Variants in SOX6 observed in about 807,000 individuals in gnomAD.
The protein encoded by SOX6 is transcription factor SOX-6.
SOX6 carries 11 observed loss-of-function variants against 97.8 expected under a neutral mutation model. That is an observed-to-expected ratio of 0.11 (90% CI 0.07 to 0.19). The LOEUF is 0.19. Ranked by LOEUF, SOX6 falls within the 10% of genes least tolerant of loss-of-function variation. The probability of loss-of-function intolerance (pLI) is 1.00; values close to 1 mark genes in which losing one functional copy is unlikely to be tolerated. For synonymous variants in SOX6, 360 were observed against 371.4 expected, an observed-to-expected ratio of 0.97 and a Z score of 0.35; for missense variants, 810 against 1,039.5, an observed-to-expected ratio of 0.78 and a Z score of 3.04.
intron 1 of SOX6, among the ~76,000 whole-genome samples, chr11:16,375,440 T>C (rs538108508): frequency 6.6e-6 from 1 of 151,482 alleles, no homozygotes; most frequent in Non-Finnish European, 1.5e-5. Context: ...AACCCAGTTC[T>C]CCAAACTCCA....
At chr11:16,641,340 G>A (rs11024006) in intron 3 of SOX6, among the ~76,000 whole-genome samples, 151,385 of 152,276 alleles carry the variant, frequency 0.99, 75,259 homozygotes, top group East Asian at 1. Context: ...TATGTGGTCA[G>A]TTTTGGAATA....
intron 3 of SOX6, among the ~76,000 whole-genome samples, chr11:16,271,498 C>T (rs1350331637): frequency 2.6e-5 from 4 of 151,318 alleles, no homozygotes; most frequent in Non-Finnish European, 5.9e-5. Context: ...GGGCCTAGTG[C>T]TTTAAGAGTA....
intron 4 of SOX6, among the ~76,000 whole-genome samples, chr11:16,214,641 C>T (rs1852318800): frequency 6.6e-6 from 1 of 152,164 alleles, no homozygotes; most frequent in Non-Finnish European, 1.5e-5. Context: ...TATTCACATC[C>T]CCATTCATGA....
intron 1 of SOX6, among the ~76,000 whole-genome samples, chr11:16,365,611 G>A (rs1759356150): frequency 6.6e-6 from 1 of 152,104 alleles, no homozygotes; most frequent in Non-Finnish European, 1.5e-5. Flanking sequence ...AAACTGTTGT[G>A]CTTATTTCAA....
At chr11:16,466,721 G>A (rs1431766447) in intron 1 of SOX6, among the ~76,000 whole-genome samples, 1 of 150,810 alleles carries the variant, frequency 6.6e-6, no homozygotes, top group Non-Finnish European at 1.5e-5. Context: ...ACGAGGTCAG[G>A]AGATCGAGAC....
intron 4 of SOX6, among the ~76,000 whole-genome samples, chr11:16,566,201 C>T (rs986077030): frequency 6.6e-6 from 1 of 151,952 alleles, no homozygotes; most frequent in African/African-American, 2.4e-5. Context: ...GTTTGAGAAC[C>T]TCTGATTTAG....
chr11:16,504,274 G>A (rs1487997517), intron 4 of SOX6, among the ~76,000 whole-genome samples: 2 of 151,852 alleles, frequency 1.3e-5, no homozygotes, highest in Non-Finnish European at 2.9e-5. Context: ...GGAATAAAAG[G>A]CATACAAATT....
chr11:16,275,779 G>A (rs895995468), intron 3 of SOX6, among the ~76,000 whole-genome samples: 12 of 152,216 alleles, frequency 7.9e-5, no homozygotes, highest in Middle Eastern at 3.4e-3. Context: ...CTAGCTTTTT[G>A]TTATCACATG....
intron 3 of SOX6, among the ~76,000 whole-genome samples, chr11:16,675,084 G>A (rs1387695516): frequency 6.6e-6 from 1 of 152,156 alleles, no homozygotes; most frequent in African/African-American, 2.4e-5. Flanking sequence ...TCAATAAAGT[G>A]GCAAGATACA....
intron 1 of SOX6, among the ~76,000 whole-genome samples, chr11:16,417,694 T>C (rs539351960): frequency 6.6e-6 from 1 of 152,334 alleles, no homozygotes; most frequent in African/African-American, 2.4e-5. Flanking sequence ...TTTTTAAAAG[T>C]TGAATGCCCC....
intron 12 of SOX6, among the ~76,000 whole-genome samples, chr11:16,019,544 A>G (rs984037513): frequency 6.6e-6 from 1 of 152,108 alleles, no homozygotes; most frequent in Non-Finnish European, 1.5e-5. Flanking sequence ...TCTTAAATAA[A>G]CCTAAATCTG....
intron 4 of SOX6, among the ~76,000 whole-genome samples, chr11:16,503,574 G>C (rs148555651): frequency 1.3e-5 from 2 of 152,018 alleles, no homozygotes; most frequent in Non-Finnish European, 2.9e-5. Context: ...GACACAGAGC[G>C]ACTGAAAGTA....
chr11:16,297,092 G>T (rs1385368862), intron 3 of SOX6, among the ~76,000 whole-genome samples: 3 of 152,034 alleles, frequency 2.0e-5, no homozygotes, highest in East Asian at 1.9e-4. Context: ...CTTACAAGAA[G>T]TAAATAATTT....
chr11:16,381,231 AT>A (rs1358404220), intron 1 of SOX6, among the ~76,000 whole-genome samples: 18 of 152,110 alleles, frequency 1.2e-4, no homozygotes, highest in Non-Finnish European at 2.4e-4. Context: ...ATAGTGAAGA[AT>A]TTCTGCAATA....
At chr11:16,621,667 C>T (rs1848547247) in intron 3 of SOX6, among the ~76,000 whole-genome samples, 1 of 152,150 alleles carries the variant, frequency 6.6e-6, no homozygotes, top group Non-Finnish European at 1.5e-5. Context: ...ATTATTTATA[C>T]AAATCATTCA....
intron 9 of SOX6, among the ~76,000 whole-genome samples, chr11:16,087,193 A>G (rs1188459967): frequency 1.3e-5 from 2 of 152,208 alleles, no homozygotes; most frequent in African/African-American, 4.8e-5. Flanking sequence ...TTGTTTTTTA[A>G]CTGTAAAAGG....
At chr11:16,678,645 G>T (rs1479742814) in intron 3 of SOX6, among the ~76,000 whole-genome samples, 1 of 152,172 alleles carries the variant, frequency 6.6e-6, no homozygotes, top group Non-Finnish European at 1.5e-5. Context: ...AACAGGGCAG[G>T]ACATTGCCTC....
intron 1 of SOX6, among the ~76,000 whole-genome samples, chr11:16,377,614 T>C (rs893466552): frequency 6.6e-6 from 1 of 152,276 alleles, no homozygotes; most frequent in East Asian, 1.9e-4. Context: ...TCTAAAGTAA[T>C]ATTTATTGTT....
At chr11:16,205,170 T>C (rs1047931565) in intron 4 of SOX6, among the ~76,000 whole-genome samples, 1 of 152,130 alleles carries the variant, frequency 6.6e-6, no homozygotes, top group Non-Finnish European at 1.5e-5. Context: ...ACTTGTCTAA[T>C]GATACTAAGA....
Sources: allele counts gnomAD v4.1 joint callset (sites outside exome capture counted in the v4.1 genomes callset), GRCh38; gene constraint gnomAD v4.1.1; transcripts MANE v1.5; gene names NCBI Gene and HGNC (gene_info 2026-07-23, HGNC 2026-07-21).